The following MALRD1 variants were observed in gnomAD, a reference collection of about 807,000 sequenced individuals.
The protein encoded by MALRD1 is MAM and LDL receptor class A domain containing 1, also known as MAM and LDL-receptor class A domain-containing protein 1.
Under a neutral mutation model 242.1 loss-of-function variants are expected in MALRD1, and 247 were observed. The ratio of observed to expected loss-of-function variants is 1.02; its 90% CI spans 0.92 to 1.13. The LOEUF (loss-of-function observed/expected upper bound fraction) is 1.13, where lower values mean the gene tolerates loss of function less well. Ranked by LOEUF, MALRD1 falls within the 50% of genes most tolerant of loss-of-function variation. MALRD1 has a pLI of 0.00. For missense variants in MALRD1, 2,989 were observed against 2,533.1 expected (o/e 1.18, Z -3.86); for synonymous variants, 995 against 866.6 (o/e 1.15, Z -2.60).
intron 38 of MALRD1, chr10:19,728,512 C>T (rs1051096514): frequency 1.3e-5 from 2 of 152,196 alleles, no homozygotes; most frequent in African/African-American, 4.8e-5. Flanking sequence ...CTGCCTCACA[C>T]CCTTGCAACT....
rs12258114 is a variant in MALRD1 at position 19,160,048 on chromosome 10, G to A, written c.1656+4876G>A. ...ATTCTCTTGAATGCAGTGATTCAAA[G>A]TCATGAATAGTCATACTATATATAA... is the stretch of plus-strand genomic sequence containing the variant. On this transcript the variant is annotated intron_variant, in intron 12 of 39. Transcript: ENST00000454679. Among the ~76,000 whole-genome samples, 1,220 of 152,188 alleles carry A rather than the reference G, an allele frequency of 8.0e-3. 19 individuals carry two copies. The highest frequency in any genetic ancestry group is 0.028 in the African/African-American group (1,159 of 41,520).
chr10:19,196,889 G>A (rs1836285621), intron 14 of MALRD1, among the ~76,000 whole-genome samples: 1 of 152,104 alleles, frequency 6.6e-6, no homozygotes, highest in African/African-American at 2.4e-5. Flanking sequence ...TGCTTTCAAA[G>A]TATCTCCACA....
intron 18 of MALRD1, among the ~76,000 whole-genome samples, chr10:19,237,202 C>T (rs1378048106): frequency 6.6e-6 from 1 of 151,716 alleles, no homozygotes; most frequent in African/African-American, 2.4e-5. Flanking sequence ...TAACTATAGT[C>T]ACCCTGCTTT....
At chr10:19,465,684 C>T (rs1302623464) in intron 29 of MALRD1, among the ~76,000 whole-genome samples, 3 of 152,154 alleles carry the variant, frequency 2.0e-5, no homozygotes, top group African/African-American at 7.2e-5. Context: ...GTGCATGTGC[C>T]AGCACATCCA....
At chr10:19,568,237 C>G (rs1305724928) in intron 33 of MALRD1, among the ~76,000 whole-genome samples, 3 of 152,150 alleles carry the variant, frequency 2.0e-5, no homozygotes, top group Non-Finnish European at 4.4e-5. Flanking sequence ...TAAGATGTTC[C>G]CCCCCTAAGT....
At chr10:19,257,616 T>C in intron 18 of MALRD1, 68 bp from the exon 19 acceptor site, 1 of 1,187,398 alleles carries the variant, frequency 8.4e-7, no homozygotes, top group Non-Finnish European at 1.2e-6. Context: ...CTTCATCCAT[T>C]CCATAACTTA....
chr10:19,330,777 T>C (rs1197513441), intron 23 of MALRD1, among the ~76,000 whole-genome samples: 1 of 152,016 alleles, frequency 6.6e-6, no homozygotes, highest in Non-Finnish European at 1.5e-5. Flanking sequence ...TGTCAAACAA[T>C]AGGACACATG....
intron 33 of MALRD1, among the ~76,000 whole-genome samples, chr10:19,580,715 A>G (rs1837076116): frequency 6.6e-6 from 1 of 152,168 alleles, no homozygotes; most frequent in African/African-American, 2.4e-5. Context: ...TCACTTTGAA[A>G]ATAGTTATCA....
At chr10:19,157,180 T>C (rs1233625913) in intron 12 of MALRD1, among the ~76,000 whole-genome samples, 1 of 152,136 alleles carries the variant, frequency 6.6e-6, no homozygotes, top group Non-Finnish European at 1.5e-5. Context: ...GAGATACACA[T>C]AGCTAAGGTT....
At chr10:19,307,183 T>G (rs1267907327) in intron 21 of MALRD1, among the ~76,000 whole-genome samples, 1 of 151,558 alleles carries the variant, frequency 6.6e-6, no homozygotes, top group Non-Finnish European at 1.5e-5. Context: ...TGGGTACCCA[T>G]TATATACTTT....
In MALRD1 at chr10:19,197,082, A is replaced by T. The variant is rs1836297212; in HGVS notation, c.1952-6646A>T. On this transcript the variant is annotated intron_variant, in intron 14 of 39. Coordinates refer to ENST00000454679, the MANE Select transcript of MALRD1 (RefSeq NM_001142308.3). Reference sequence around the variant, plus strand: ...GCAGAAGGTGAAGGGGAAGCAAGGCACGTCTTATATGGTGGCAGGAGAGAG... The same window carrying T: ...GCAGAAGGTGAAGGGGAAGCAAGGCTCGTCTTATATGGTGGCAGGAGAGAG... Among the ~76,000 whole-genome samples, 4 of 152,230 alleles carry T rather than the reference A, an allele frequency of 2.6e-5. No homozygotes were observed. In the South Asian group the frequency reaches 8.3e-4, roughly 32 times the overall value.
rs567886099 is a variant in MALRD1 at position 19,640,680 on chromosome 10, T to C, written c.6137+24757T>C. On this transcript the variant is annotated intron_variant, in intron 36 of 39. Coordinates refer to ENST00000454679, the MANE Select transcript of MALRD1 (RefSeq NM_001142308.3). ...ACAGCATCTAATTCTAATTTGTATC[T>C]TTCTAGGTCACTGTTACCCTGTGGT... Among the ~76,000 whole-genome samples, 9 of 152,282 alleles carry C rather than the reference T, an allele frequency of 5.9e-5. No individual in the cohort carries two copies. The East Asian group carries it at 1.5e-3, about 26-fold the overall frequency.
chr10:19,389,579 G>C lies in MALRD1; in HGVS notation c.4815G>C (p.Lys1605Asn). 1.3e-6 allele frequency: 2 copies of C among 1,550,644 alleles called. No individual in the cohort carries two copies. Among genetic ancestry groups the C allele is most frequent in the East Asian group, 2.4e-5 (1 of 40,892 alleles). ...GCTTCTGGTATTTCGTATCTGCAAA[G>C]GCCACAGGATCCATTCAGATTCTCA... ...TMSFWYFVSA[K>N]ATGSIQILIK... The change falls in exon 28 of 40, where the codon AAG (lysine) becomes AAC (asparagine). Residue 1605 changes from lysine (K) to asparagine (N), a missense_variant. Coordinates refer to ENST00000454679, the MANE Select transcript of MALRD1 (RefSeq NM_001142308.3).
intron 36 of MALRD1, among the ~76,000 whole-genome samples, chr10:19,644,335 G>T (rs1046371010): frequency 6.6e-6 from 1 of 152,184 alleles, no homozygotes; most frequent in Non-Finnish European, 1.5e-5. Flanking sequence ...ACCTGATCTG[G>T]TGAGGAAATC....
intron 35 of MALRD1, among the ~76,000 whole-genome samples, chr10:19,614,981 A>G (rs1839074257): frequency 6.6e-6 from 1 of 152,114 alleles, no homozygotes. Context: ...CTAAATAAGT[A>G]GATGATACCC....
intron 21 of MALRD1, among the ~76,000 whole-genome samples, chr10:19,306,122 AGT>A (rs1564546893): frequency 2.7e-5 from 3 of 111,690 alleles, no homozygotes; most frequent in African/African-American, 3.7e-5. Context: ...TATACTATCT[AGT>A]ATATATAGTA....
intron 21 of MALRD1, among the ~76,000 whole-genome samples, chr10:19,308,870 T>A (rs1453275473): frequency 6.6e-6 from 1 of 151,568 alleles, no homozygotes; most frequent in Admixed American, 6.6e-5. Context: ...AAAACAATTA[T>A]TTTGTACTAA....
At chr10:19,474,367 A>C (rs1043679691) in intron 29 of MALRD1, among the ~76,000 whole-genome samples, 1 of 152,190 alleles carries the variant, frequency 6.6e-6, no homozygotes, top group African/African-American at 2.4e-5. Flanking sequence ...GTACATCCAA[A>C]GAGATTTGAG....
chr10:19,518,392 A>G (rs895731165), intron 31 of MALRD1, among the ~76,000 whole-genome samples: 3 of 152,228 alleles, frequency 2.0e-5, no homozygotes, highest in Admixed American at 6.5e-5. Context: ...TATAATTTCC[A>G]TAGAGAAAAA....
Sources: allele counts gnomAD v4.1 joint callset (sites outside exome capture counted in the v4.1 genomes callset), GRCh38; gene constraint gnomAD v4.1.1; transcripts MANE v1.5; gene names NCBI Gene and HGNC (gene_info 2026-07-23, HGNC 2026-07-21).